CAMTA1: variants seen among roughly 807,000 people sequenced by gnomAD.
The protein encoded by CAMTA1 is calmodulin-binding transcription activator 1.
A neutral mutation model predicts 170.9 loss-of-function variants in CAMTA1; 27 were observed. That is an observed-to-expected ratio of 0.16 (90% CI 0.12 to 0.22). The LOEUF (loss-of-function observed/expected upper bound fraction) is 0.22. Among genes scored for constraint, CAMTA1 ranks in the 10% least tolerant of loss-of-function variants. CAMTA1 has a pLI of 1.00. For synonymous variants in CAMTA1, 833 were observed against 891.5 expected (o/e 0.93, Z 1.17); for missense variants, 1,619 against 2,217.2 (o/e 0.73, Z 5.42).
At chr1:7,281,876 T>C (rs889961636) in intron 5 of CAMTA1, among the ~76,000 whole-genome samples, 1 of 151,120 alleles carries the variant, frequency 6.6e-6, no homozygotes, top group Non-Finnish European at 1.5e-5. Flanking sequence ...AAATTTCTAC[T>C]TTGTGGAACG....
At chr1:7,559,191 A>G (rs942170799) in intron 6 of CAMTA1, among the ~76,000 whole-genome samples, 2 of 152,134 alleles carry the variant, frequency 1.3e-5, no homozygotes, top group Non-Finnish European at 2.9e-5. Context: ...GAGGGGCCCG[A>G]GTGGTAGCCA....
At chr1:6,983,023 A>G (rs1694704944) in intron 3 of CAMTA1, among the ~76,000 whole-genome samples, 1 of 152,170 alleles carries the variant, frequency 6.6e-6, no homozygotes, top group African/African-American at 2.4e-5. Flanking sequence ...AGGCTGACCC[A>G]TGTAAACTTA....
intron 11 of CAMTA1, among the ~76,000 whole-genome samples, chr1:7,709,522 C>G (rs561241548): frequency 6.4e-4 from 98 of 152,316 alleles, no homozygotes; most frequent in African/African-American, 2.3e-3. Context: ...GAATCTAAAG[C>G]CAACTGGTGG....
chr1:7,218,377 A>C (rs1660127272), intron 4 of CAMTA1, among the ~76,000 whole-genome samples: 1 of 152,040 alleles, frequency 6.6e-6, no homozygotes, highest in Non-Finnish European at 1.5e-5. Context: ...AAGACCACTT[A>C]CATCGCCACA....
intron 3 of CAMTA1, among the ~76,000 whole-genome samples, chr1:7,090,761 G>A (rs1641358630): frequency 6.6e-6 from 1 of 152,102 alleles, no homozygotes. Context: ...TATCAGTAGT[G>A]GGAAAGGTTA....
In CAMTA1 at chr1:7,286,183, C is replaced by A. The variant is rs953936462; in HGVS notation, c.438+36557C>A. Among the ~76,000 whole-genome samples the A allele has an allele frequency of 6.6e-6, 1 of 152,074 alleles. No individual in the cohort carries two copies. Among genetic ancestry groups the A allele is most frequent in the African/African-American group, 2.4e-5 (1 of 41,406 alleles). On this transcript the variant is annotated intron_variant, in intron 5 of 22. Coordinates refer to ENST00000303635, the MANE Select transcript of CAMTA1 (RefSeq NM_015215.4). The surrounding 1 kb of genome is among the most constrained non-coding windows in gnomAD (Gnocchi z 4.2). Reference sequence around the variant, plus strand: ...GCTGGTGGGGGGCAGAGAGGAAAGACCTCACAGGGAGATTGGCATGTGATT... The same window carrying A: ...GCTGGTGGGGGGCAGAGAGGAAAGAACTCACAGGGAGATTGGCATGTGATT...
At chr1:7,498,185 A>AGT (rs1553182532) in intron 6 of CAMTA1, among the ~76,000 whole-genome samples, 1 of 140,750 alleles carries the variant, frequency 7.1e-6, no homozygotes, top group East Asian at 2.5e-4. Flanking sequence ...TGTGTGTATG[A>AGT]GAGTGAGTGT....
chr1:7,367,979 G>T (rs1326053469), intron 5 of CAMTA1, among the ~76,000 whole-genome samples: 2 of 151,628 alleles, frequency 1.3e-5, no homozygotes, highest in African/African-American at 4.9e-5. Flanking sequence ...CATGCCCTGA[G>T]CACTCATGGT....
intron 3 of CAMTA1, among the ~76,000 whole-genome samples, chr1:6,839,402 AAAAAAC>A (rs1654745394): frequency 6.6e-6 from 1 of 151,738 alleles, no homozygotes; most frequent in African/African-American, 2.4e-5. Context: ...AACAAAAAAC[AAAAAAC>A]CCCCCCAAAA....
At chr1:6,958,341 CTT>C (rs998815146) in intron 3 of CAMTA1, among the ~76,000 whole-genome samples, 3 of 152,232 alleles carry the variant, frequency 2.0e-5, no homozygotes, top group Non-Finnish European at 2.9e-5. Context: ...GTTTTGAAAA[CTT>C]TCACCATTCT....
chr1:7,467,573 ACG>A (rs1270533264), intron 5 of CAMTA1, among the ~76,000 whole-genome samples: 1 of 152,184 alleles, frequency 6.6e-6, no homozygotes. Context: ...TGGGTTCTCG[ACG>A]CCTCTATGGC....
intron 4 of CAMTA1, among the ~76,000 whole-genome samples, chr1:7,104,391 C>CAG (rs749067240): frequency 2.7e-5 from 4 of 150,622 alleles, no homozygotes; most frequent in Non-Finnish European, 5.9e-5. Flanking sequence ...CACACACACA[C>CAG]AGCTTCCTGT....
chr1:7,654,746 CACACATAT>C (rs200114864), intron 7 of CAMTA1, among the ~76,000 whole-genome samples: 1 of 78,430 alleles, frequency 1.3e-5, no homozygotes, highest in East Asian at 1.2e-3. Flanking sequence ...CACCTATACA[CACACATAT>C]ACAAACACAC....
At chr1:7,404,810 A>G (rs2090170965) in intron 5 of CAMTA1, among the ~76,000 whole-genome samples, 1 of 152,258 alleles carries the variant, frequency 6.6e-6, no homozygotes, top group Non-Finnish European at 1.5e-5. Flanking sequence ...AAGTCTCTGC[A>G]GAACAAGAAA....
At chr1:7,243,731 G>A (rs1665290702) in intron 4 of CAMTA1, among the ~76,000 whole-genome samples, 1 of 152,160 alleles carries the variant, frequency 6.6e-6, no homozygotes, top group Admixed American at 6.5e-5. Context: ...GGTTCCATAT[G>A]AACTTTAAAG....
Position 7,223,610 on chromosome 1 carries a change from A to C in CAMTA1, c.303-25881A>C, listed in dbSNP as rs146346064. On this transcript the variant is annotated intron_variant, in intron 4 of 22. Coordinates refer to ENST00000303635, the MANE Select transcript of CAMTA1 (RefSeq NM_015215.4). Reference sequence around the variant, plus strand: ...CAACAGGTGAGTGCCTGCCATTTATATGAGGCCCTGGGTTTGCAAAGAGGG... The same window carrying C: ...CAACAGGTGAGTGCCTGCCATTTATCTGAGGCCCTGGGTTTGCAAAGAGGG... Among the ~76,000 whole-genome samples, 1,015 of 152,260 alleles carry C rather than the reference A, an allele frequency of 6.7e-3. 6 individuals are homozygous for C. Among genetic ancestry groups the C allele is most frequent in the Non-Finnish European group, 0.01 (704 of 68,020 alleles).
chr1:6,902,158 C>A (rs1259006679), intron 3 of CAMTA1, among the ~76,000 whole-genome samples: 3 of 151,868 alleles, frequency 2.0e-5, no homozygotes, highest in Non-Finnish European at 2.9e-5. Context: ...TTGACATTTT[C>A]TTATAAGTCT....
intron 4 of CAMTA1, among the ~76,000 whole-genome samples, chr1:7,095,407 A>G (rs1641954453): frequency 1.3e-5 from 2 of 152,160 alleles, no homozygotes; most frequent in South Asian, 4.1e-4. Flanking sequence ...TTGAGCCAGC[A>G]CTGTGTTCTC....
In CAMTA1 at chr1:6,862,558, T is replaced by C. The variant is rs77753224; in HGVS notation, c.234+37348T>C. 3.7e-3 allele frequency among the ~76,000 whole-genome samples: 557 copies of C among 152,360 alleles called. 5 individuals carry two copies. The highest frequency in any genetic ancestry group is 0.012 in the African/African-American group (515 of 41,584). ...TTTTTTAACTATTCCAATTTGAATT[T>C]AGCTTCCATTATTCCGCCAAACCTT... On this transcript the variant is annotated intron_variant, in intron 3 of 22. Coordinates refer to ENST00000303635, the MANE Select transcript of CAMTA1 (RefSeq NM_015215.4).
Sources: gnomAD v4.1 joint callset for allele counts (sites outside exome capture counted in the v4.1 genomes callset) on GRCh38, gnomAD v4.1.1 for gene constraint, Gnocchi (gnomAD v3.1) non-coding constraint, MANE v1.5 for transcripts, NCBI Gene and HGNC (gene_info 2026-07-23, HGNC 2026-07-21) for gene names.